The following SLC36A1 variants were observed in gnomAD, a reference collection of about 807,000 sequenced individuals.
The protein encoded by SLC36A1 is proton-coupled amino acid transporter 1.
SLC36A1 carries 30 observed loss-of-function variants against 47.5 expected under a neutral mutation model. That is an observed-to-expected ratio of 0.63 (90% CI 0.47 to 0.86). SLC36A1 has a LOEUF of 0.86. SLC36A1 is among the 40% of genes least tolerant of loss of function. The pLI, the probability that SLC36A1 is intolerant of heterozygous loss-of-function variation, is 0.00. For missense variants in SLC36A1, 517 were observed against 606.0 expected, an observed-to-expected ratio of 0.85 and a Z score of 1.54; for synonymous variants, 255 against 249.7, an observed-to-expected ratio of 1.02 and a Z score of -0.20.
the SLC36A1 span, among the ~76,000 whole-genome samples, chr5:151,498,247 G>C: frequency 1.3e-5 from 2 of 152,078 alleles, no homozygotes; most frequent in African/African-American, 2.4e-5. Flanking sequence ...GCACGGCCAG[G>C]GGGGTGGGAA....
chr5:151,505,672 C>G, the SLC36A1 span: 5 of 1,613,848 alleles, frequency 3.1e-6, no homozygotes, highest in South Asian at 5.5e-5. Context: ...GGTGCCCCCT[C>G]CACCTCACAG....
the SLC36A1 span, among the ~76,000 whole-genome samples, chr5:151,400,705 T>C: frequency 6.6e-6 from 1 of 152,004 alleles, no homozygotes; most frequent in Non-Finnish European, 1.5e-5. Context: ...TTTACTTTTT[T>C]ATAATAGCCG....
At chr5:151,545,477 G>GA in the SLC36A1 span, 1 of 1,614,178 alleles carries the variant, frequency 6.2e-7, no homozygotes, top group Non-Finnish European at 8.5e-7. Context: ...GGATGGATAG[G>GA]CCCGACTATT....
the SLC36A1 span, among the ~76,000 whole-genome samples, chr5:151,498,503 G>A: frequency 6.6e-6 from 1 of 152,176 alleles, no homozygotes; most frequent in Non-Finnish European, 1.5e-5. Context: ...CCAAGATCAC[G>A]TTTCCAAAGC....
intron 10 of SLC36A1, among the ~76,000 whole-genome samples, chr5:151,482,118 C>T (rs1758879582): frequency 6.6e-6 from 1 of 152,216 alleles, no homozygotes; most frequent in Non-Finnish European, 1.5e-5. Context: ...GAATGCAGAG[C>T]TGCAAAACAT....
chr5:151,479,898 A>G (rs1394728775), intron 10 of SLC36A1: 1 of 521,426 alleles, frequency 1.9e-6, no homozygotes, highest in Non-Finnish European at 3.3e-6. Flanking sequence ...CACTGTGACA[A>G]GTTGCTCCTT....
intron 1 of SLC36A1, among the ~76,000 whole-genome samples, chr5:151,438,313 C>T (rs575972092): frequency 6.4e-4 from 97 of 152,244 alleles, no homozygotes; most frequent in African/African-American, 2.3e-3. Flanking sequence ...TTACCCAGTG[C>T]TTCCCAATCT....
intron 7 of SLC36A1, among the ~76,000 whole-genome samples, chr5:151,471,246 C>T (rs970288788): frequency 1.2e-4 from 19 of 152,304 alleles, no homozygotes; most frequent in Non-Finnish European, 2.2e-4. Context: ...TTTCCAAGAA[C>T]TTATTGACGA....
intron 10 of SLC36A1, 51 bp downstream of exon 10, chr5:151,479,540 A>G (rs1187264791): frequency 6.3e-7 from 1 of 1,585,616 alleles, no homozygotes; most frequent in Non-Finnish European, 8.6e-7. Flanking sequence ...AAGGGCACCC[A>G]GTCTGCAGGC....
chr5:151,447,935 T>A (rs1753068365), intron 1 of SLC36A1, 122 bp downstream of exon 1: 1 of 152,250 alleles, frequency 6.6e-6, no homozygotes, highest in South Asian at 2.1e-4. Flanking sequence ...CCCTTGTCCC[T>A]CGCGCTATCT....
the SLC36A1 span, among the ~76,000 whole-genome samples, chr5:151,357,451 T>A: frequency 6.6e-6 from 1 of 152,372 alleles, no homozygotes; most frequent in Non-Finnish European, 1.5e-5. Context: ...TTTACTTCCT[T>A]ACAAGCTGAA....
At chr5:151,507,693 G>A in the SLC36A1 span, 1 of 1,295,156 alleles carries the variant, frequency 7.7e-7, no homozygotes, top group Non-Finnish European at 1.0e-6. Context: ...ATGGGATAGA[G>A]ACTGCTCCCC....
upstream of SLC36A1, among the ~76,000 whole-genome samples, chr5:151,446,490 A>G (rs541915921): frequency 6.6e-6 from 1 of 152,312 alleles, no homozygotes; most frequent in Non-Finnish European, 1.5e-5. Context: ...AGATTGCACC[A>G]CTGCACTCCA....
At chr5:151,450,496 G>A (rs2127451843) in intron 1 of SLC36A1, among the ~76,000 whole-genome samples, 1 of 151,580 alleles carries the variant, frequency 6.6e-6, no homozygotes, top group South Asian at 2.1e-4. Context: ...GGGATGGACG[G>A]AACTGGTGTC....
At chr5:151,428,120 G>C in the SLC36A1 span, among the ~76,000 whole-genome samples, 1 of 152,174 alleles carries the variant, frequency 6.6e-6, no homozygotes, top group Non-Finnish European at 1.5e-5. Flanking sequence ...ATGTTTCTGG[G>C]AAGTCCAGCC....
the SLC36A1 span, among the ~76,000 whole-genome samples, chr5:151,537,556 A>G: frequency 1.2e-4 from 18 of 152,352 alleles, no homozygotes; most frequent in Non-Finnish European, 4.4e-5. Context: ...TTAATTTAGC[A>G]CATTTAAAAC....
At chr5:151,344,814 AACT>A in the SLC36A1 span, among the ~76,000 whole-genome samples, 14 of 152,190 alleles carry the variant, frequency 9.2e-5, no homozygotes, top group Admixed American at 8.5e-4. Context: ...AATGTCATAA[AACT>A]AGTAGTAGAG....
the SLC36A1 span, among the ~76,000 whole-genome samples, chr5:151,393,231 C>T: frequency 1.3e-5 from 2 of 151,852 alleles, no homozygotes; most frequent in East Asian, 3.9e-4. Context: ...CAACCCCTGC[C>T]TTTTTTTGTT....
At chr5:151,356,014 A>T in the SLC36A1 span, among the ~76,000 whole-genome samples, 1 of 152,170 alleles carries the variant, frequency 6.6e-6, no homozygotes, top group African/African-American at 2.4e-5. Flanking sequence ...CATATTTAAA[A>T]ATTAATATTA....
Sources: allele counts gnomAD v4.1 joint callset (sites outside exome capture counted in the v4.1 genomes callset), GRCh38; gene constraint gnomAD v4.1.1; transcripts MANE v1.5; gene names NCBI Gene and HGNC (gene_info 2026-07-23, HGNC 2026-07-21).